The following MGMT variants were observed in gnomAD, a reference collection of about 807,000 sequenced individuals.
MGMT encodes O-6-methylguanine-DNA methyltransferase.
A neutral mutation model predicts 15.9 loss-of-function variants in MGMT; 14 were observed. That is an observed-to-expected ratio of 0.88 (90% CI 0.58 to 1.37). MGMT has a LOEUF of 1.37. Ranked by LOEUF, MGMT falls within the 40% of genes most tolerant of loss-of-function variation. The pLI, the probability that MGMT is intolerant of heterozygous loss-of-function variation, is 0.00. For missense variants in MGMT, 282 were observed against 268.1 expected, an observed-to-expected ratio of 1.05 and a Z score of -0.36; for synonymous variants, 130 against 118.2, an observed-to-expected ratio of 1.10 and a Z score of -0.65.
chr10:129,761,174 C>T (rs900208050), intron 4 of MGMT, among the ~76,000 whole-genome samples: 2 of 151,982 alleles, frequency 1.3e-5, no homozygotes, highest in African/African-American at 2.4e-5. Context: ...ACTGTGGATG[C>T]GAATGGGGTT....
intron 4 of MGMT, among the ~76,000 whole-genome samples, chr10:129,763,035 A>T (rs573863087): frequency 2.6e-5 from 4 of 152,174 alleles, no homozygotes; most frequent in Admixed American, 1.3e-4. Context: ...AATCAGAGGG[A>T]TTCCATCATT....
Position 129,766,786 on chromosome 10 carries a change from A to C in MGMT, c.415-2A>C, listed in dbSNP as rs1218365147. 2 of 1,611,096 alleles carry C rather than the reference A, an allele frequency of 1.2e-6. No homozygotes were observed. The highest frequency in any genetic ancestry group is 1.7e-6 in the Non-Finnish European group (2 of 1,179,334). On this transcript the variant is annotated splice_acceptor_variant, in intron 4 of 4. Transcript: ENST00000651593. LOFTEE classifies it high-confidence loss of function. ...GACAGTGGCTGCCCCCCTGTCTTCC[A>C]GGTCCCCATCCTCATCCCGTGCCAC...
intron 2 of MGMT, among the ~76,000 whole-genome samples, chr10:129,626,943 G>C (rs1474124586): frequency 1.3e-5 from 2 of 152,168 alleles, no homozygotes; most frequent in Admixed American, 1.3e-4. Flanking sequence ...GCGTGGGCAG[G>C]CTCCCAGCGC....
chr10:129,751,576 C>G (rs1848751060), intron 3 of MGMT, among the ~76,000 whole-genome samples: 1 of 151,544 alleles, frequency 6.6e-6, no homozygotes, highest in African/African-American at 2.4e-5. Context: ...TTTTTCTCTT[C>G]TTTTTCTGGT....
intron 1 of MGMT, among the ~76,000 whole-genome samples, chr10:129,494,627 A>G (rs1845502626): frequency 6.6e-6 from 1 of 152,070 alleles, no homozygotes; most frequent in Admixed American, 6.6e-5. Flanking sequence ...CTTGAAATTG[A>G]CTCCTGTGGC....
Position 129,557,881 on chromosome 10 carries a change from G to A in MGMT, c.125+21504G>A, listed in dbSNP as rs567954056. On this transcript the variant is annotated intron_variant, in intron 2 of 4. Transcript: ENST00000651593. ...GGAAGAGCATATAATCCAAAATATT[G>A]GGTCTACAAATGTAAGATTGCCTTT... Among the ~76,000 whole-genome samples, 7 of 152,280 alleles carry A rather than the reference G, an allele frequency of 4.6e-5. No homozygotes were observed. The South Asian group carries it at 1.2e-3, about 27-fold the overall frequency.
At chr10:129,514,572 T>C (rs1010858844) in intron 1 of MGMT, among the ~76,000 whole-genome samples, 1 of 152,244 alleles carries the variant, frequency 6.6e-6, no homozygotes, top group African/African-American at 2.4e-5. Flanking sequence ...CAGTGAGTAC[T>C]ATGGTCCAAA....
chr10:129,709,566 T>C (rs1848207336), intron 3 of MGMT, among the ~76,000 whole-genome samples: 1 of 152,106 alleles, frequency 6.6e-6, no homozygotes, highest in Non-Finnish European at 1.5e-5. Context: ...CTGTGAAATA[T>C]GTGAGCTGAA....
intron 1 of MGMT, among the ~76,000 whole-genome samples, chr10:129,527,303 C>A (rs1845881615): frequency 6.6e-6 from 1 of 151,982 alleles, no homozygotes; most frequent in Non-Finnish European, 1.5e-5. Context: ...TTTGGAGCCC[C>A]CCTTAGGACC....
At chr10:129,474,876 C>A (rs1845273092) in intron 1 of MGMT, among the ~76,000 whole-genome samples, 1 of 152,238 alleles carries the variant, frequency 6.6e-6, no homozygotes, top group African/African-American at 2.4e-5. Context: ...GGGCCCTGGG[C>A]TCGCAGTGGC....
At chr10:129,704,901 C>T (rs1161082368) in intron 2 of MGMT, among the ~76,000 whole-genome samples, 1 of 152,168 alleles carries the variant, frequency 6.6e-6, no homozygotes, top group Non-Finnish European at 1.5e-5. Context: ...CTTCCGTCGC[C>T]GCCCCTGCTG....
At position 129,702,990 on chromosome 10, in the gene MGMT, G is replaced by A. The variant is rs111305076; in HGVS notation, c.126-4905G>A. On this transcript the variant is annotated intron_variant, in intron 2 of 4. Transcript: ENST00000651593. ...AGGGAAGGAGGAGAGGGCAGGGCAG[G>A]AGAATAAATTTCATTTTACTGTAGA... Among the ~76,000 whole-genome samples, 83 of 152,312 alleles carry A rather than the reference G, an allele frequency of 5.4e-4. 3 individuals are homozygous for A. Among genetic ancestry groups the A allele is most frequent in the African/African-American group, 1.9e-3 (79 of 41,566 alleles).
At chr10:129,756,908 A>G (rs953438803) in intron 3 of MGMT, among the ~76,000 whole-genome samples, 10 of 152,234 alleles carry the variant, frequency 6.6e-5, no homozygotes, top group Non-Finnish European at 1.3e-4. Context: ...ATTTCACTCC[A>G]TTATAGAATA....
At chr10:129,747,120 T>C (rs1848703741) in intron 3 of MGMT, among the ~76,000 whole-genome samples, 1 of 152,204 alleles carries the variant, frequency 6.6e-6, no homozygotes, top group Admixed American at 6.5e-5. Flanking sequence ...AGGTGATTGA[T>C]TTTTATTTAG....
intron 2 of MGMT, among the ~76,000 whole-genome samples, chr10:129,546,230 C>T (rs1186672697): frequency 2.0e-5 from 3 of 152,134 alleles, no homozygotes; most frequent in African/African-American, 7.3e-5. Context: ...AAGCCCAGCT[C>T]AGGGGCAGAC....
intron 1 of MGMT, among the ~76,000 whole-genome samples, chr10:129,472,267 G>A (rs922429782): frequency 6.6e-6 from 1 of 152,104 alleles, no homozygotes; most frequent in Non-Finnish European, 1.5e-5. Flanking sequence ...GCAACTCTTA[G>A]CCCTCCAGGC....
chr10:129,688,766 A>G (rs146092345), intron 2 of MGMT, among the ~76,000 whole-genome samples: 2 of 152,152 alleles, frequency 1.3e-5, no homozygotes, highest in African/African-American at 4.8e-5. Flanking sequence ...ATCTAATTAA[A>G]CTAAAGAACA....
chr10:129,579,444 C>T (rs955719874), intron 2 of MGMT, among the ~76,000 whole-genome samples: 10 of 152,240 alleles, frequency 6.6e-5, no homozygotes, highest in Non-Finnish European at 1.2e-4. Flanking sequence ...AGATGGAACT[C>T]GGCCTGCCCC....
At chr10:129,572,792 C>G (rs566986238) in intron 2 of MGMT, among the ~76,000 whole-genome samples, 13 of 152,286 alleles carry the variant, frequency 8.5e-5, no homozygotes, top group African/African-American at 3.1e-4. Context: ...TCAGACAGCT[C>G]TGTTTTTTCC....
Sources: allele counts gnomAD v4.1 joint callset (sites outside exome capture counted in the v4.1 genomes callset), GRCh38; gene constraint gnomAD v4.1.1; transcripts MANE v1.5; gene names NCBI Gene and HGNC (gene_info 2026-07-23, HGNC 2026-07-21).